The following ATP13A4 variants were observed in gnomAD, a reference collection of about 807,000 sequenced individuals.
ATP13A4 encodes the protein probable cation-transporting ATPase 13A4.
A neutral mutation model predicts 142.5 loss-of-function variants in ATP13A4; 114 were observed. That is an observed-to-expected ratio of 0.80 (90% CI 0.69 to 0.93). ATP13A4 has a LOEUF of 0.93. Ranked by LOEUF, ATP13A4 falls within the 40% of genes least tolerant of loss-of-function variation. The probability of loss-of-function intolerance (pLI) is 0.00; values close to 1 mark genes in which losing one functional copy is unlikely to be tolerated. For missense variants in ATP13A4, 1,392 were observed against 1,454.0 expected, an observed-to-expected ratio of 0.96 and a Z score of 0.69; for synonymous variants, 488 against 514.8, an observed-to-expected ratio of 0.95 and a Z score of 0.70.
chr3:193,488,186 C>T (rs1480298800), intron 7 of ATP13A4, among the ~76,000 whole-genome samples: 1 of 152,134 alleles, frequency 6.6e-6, no homozygotes, highest in Non-Finnish European at 1.5e-5. Flanking sequence ...ATTGCTTGAA[C>T]CTAGGAGGCA....
intron 2 of ATP13A4, among the ~76,000 whole-genome samples, chr3:193,510,270 C>T (rs527482395): frequency 5.3e-5 from 8 of 152,124 alleles, no homozygotes; most frequent in African/African-American, 1.7e-4. Context: ...TTTGAACTAA[C>T]GCTCCTAGCC....
Position 193,514,299 on chromosome 3 carries a change from C to G in ATP13A4, c.234+399G>C, listed in dbSNP as rs138386936. On this transcript the variant is annotated intron_variant, in intron 2 of 29. Coordinates refer to ENST00000342695, the MANE Select transcript of ATP13A4 (RefSeq NM_032279.4). ...TCCCTTCTATGTGTCCATGTGTTAT[C>G]ATTTAGCTCCCACTTATAAGTGACA... 2.0e-3 allele frequency among the ~76,000 whole-genome samples: 306 copies of G among 152,276 alleles called. 2 individuals are homozygous for G. The highest frequency in any genetic ancestry group is 7.7e-3 in the South Asian group (37 of 4,822).
intron 2 of ATP13A4, among the ~76,000 whole-genome samples, chr3:193,507,741 G>A (rs1720934178): frequency 6.6e-6 from 1 of 152,124 alleles, no homozygotes; most frequent in Non-Finnish European, 1.5e-5. Context: ...GAGATATAGT[G>A]TGTAGTAAAA....
chr3:193,487,289 C>A (rs986251111), intron 7 of ATP13A4, among the ~76,000 whole-genome samples: 1 of 152,026 alleles, frequency 6.6e-6, no homozygotes, highest in Non-Finnish European at 1.5e-5. Flanking sequence ...AAGCAAAACA[C>A]CAAGACCTAA....
chr3:193,549,982 G>T (rs569634131), intron 1 of ATP13A4, among the ~76,000 whole-genome samples: 1 of 152,242 alleles, frequency 6.6e-6, no homozygotes, highest in Admixed American at 6.5e-5. Context: ...AACATGTAGC[G>T]GGGAAAAGGG....
intron 13 of ATP13A4, among the ~76,000 whole-genome samples, chr3:193,461,439 A>G (rs1443750770): frequency 6.6e-6 from 1 of 152,208 alleles, no homozygotes; most frequent in Non-Finnish European, 1.5e-5. Context: ...CTAATGAACC[A>G]TGAGACAAAG....
chr3:193,423,501 G>A (rs1245986000), intron 25 of ATP13A4, among the ~76,000 whole-genome samples: 1 of 149,366 alleles, frequency 6.7e-6, no homozygotes, highest in Non-Finnish European at 1.5e-5. Context: ...TGATCAAGTG[G>A]GATTCACCCC....
intron 1 of ATP13A4, among the ~76,000 whole-genome samples, chr3:193,517,982 A>G (rs1577043822): frequency 6.6e-6 from 1 of 152,254 alleles, no homozygotes; most frequent in East Asian, 1.9e-4. Context: ...TAGAAATCTT[A>G]AACTGGAGGC....
intron 1 of ATP13A4, among the ~76,000 whole-genome samples, chr3:193,545,227 GT>G (rs1723154570): frequency 6.6e-6 from 1 of 152,174 alleles, no homozygotes; most frequent in Non-Finnish European, 1.5e-5. Flanking sequence ...AAGTACCAGA[GT>G]TTCAAAATCC....
At position 193,489,332 on chromosome 3, in the gene ATP13A4, A is replaced by G. The variant is rs1484292777; in HGVS notation, c.738+398T>C. On this transcript the variant is annotated intron_variant, in intron 7 of 29. Transcript: ENST00000342695. ...AGGAGTTGGACTGGGGCCTTGACAA[A>G]TGAGTACCAGCCAAACATAAACAGC... 6.4e-4 allele frequency among the ~76,000 whole-genome samples: 97 copies of G among 152,176 alleles called. 1 individual carries two copies. The highest frequency in any genetic ancestry group is 6.3e-3 in the Admixed American group (96 of 15,266).
Position 193,483,986 on chromosome 3 carries a change from T to C in ATP13A4, c.758A>G (p.His253Arg). 6.2e-7 allele frequency: 1 copy of C among 1,609,770 alleles called. No individual in the cohort carries two copies. The highest frequency in any genetic ancestry group is 8.5e-7 in the Non-Finnish European group (1 of 1,176,210). ...DLREQSVKLH[H>R]LVESHNSITV... ...AATGCTATTATGTGACTCGACGAGATGGTGGAGTTTTACAGATTGCTGAAA... is the reference window on the plus strand; with the variant it reads ...AATGCTATTATGTGACTCGACGAGACGGTGGAGTTTTACAGATTGCTGAAA... The change falls in exon 8 of 30, where the codon CAT becomes CGT. Residue 253 changes from histidine (H) to arginine (R), a missense_variant. By Grantham distance (29) the His-to-Arg change is conservative. Coordinates refer to ENST00000342695, the MANE Select transcript of ATP13A4 (RefSeq NM_032279.4).
chr3:193,573,263 A>ATATATATATATATATATATATATATATG (rs1560287198), intron 2 of ATP13A4, among the ~76,000 whole-genome samples: 3 of 105,256 alleles, frequency 2.9e-5, no homozygotes, highest in African/African-American at 9.2e-5. Context: ...CCACAGCCAT[A>ATATATATATATATATATATATATATATG]TATATATATA....
At chr3:193,567,800 T>C (rs1364002636) in intron 2 of ATP13A4, among the ~76,000 whole-genome samples, 1 of 152,098 alleles carries the variant, frequency 6.6e-6, no homozygotes, top group Non-Finnish European at 1.5e-5. Context: ...AGCCCCTGTC[T>C]CTCCCAAATC....
intron 2 of ATP13A4, among the ~76,000 whole-genome samples, chr3:193,561,280 C>A (rs540268940): frequency 6.6e-6 from 1 of 152,204 alleles, no homozygotes. Context: ...CTGGGATGAC[C>A]CAGGAACTGG....
intron 1 of ATP13A4, 79 bp downstream of exon 1, chr3:193,554,661 T>C (rs1446038957): frequency 2.6e-4 from 78 of 300,984 alleles, no homozygotes; most frequent in Middle Eastern, 1.3e-3. Flanking sequence ...TGCGTGTGTG[T>C]GTGTGTGTGT....
chr3:193,572,661 A>G (rs1279129533), intron 2 of ATP13A4, among the ~76,000 whole-genome samples: 3 of 152,118 alleles, frequency 2.0e-5, no homozygotes, highest in Admixed American at 6.6e-5. Flanking sequence ...AAGAGTGGAG[A>G]CATTCTCAGA....
intron 2 of ATP13A4, among the ~76,000 whole-genome samples, chr3:193,506,311 A>G (rs536537669): frequency 6.6e-6 from 1 of 152,294 alleles, no homozygotes; most frequent in South Asian, 2.1e-4. Context: ...TGCCTGGCAA[A>G]TCTGGACTTT....
At chr3:193,550,532 C>T (rs760001655) in intron 1 of ATP13A4, among the ~76,000 whole-genome samples, 1 of 152,102 alleles carries the variant, frequency 6.6e-6, no homozygotes, top group Non-Finnish European at 1.5e-5. Context: ...TCTGGAACTC[C>T]TGGGCTCAAG....
intron 2 of ATP13A4, among the ~76,000 whole-genome samples, chr3:193,567,791 G>T (rs1724166442): frequency 6.6e-6 from 1 of 151,836 alleles, no homozygotes; most frequent in African/African-American, 2.4e-5. Context: ...CTCCCCACCA[G>T]CCCCTGTCTC....
Sources: gnomAD v4.1 joint callset for allele counts (sites outside exome capture counted in the v4.1 genomes callset) on GRCh38, gnomAD v4.1.1 for gene constraint, MANE v1.5 for transcripts, NCBI Gene and HGNC (gene_info 2026-07-23, HGNC 2026-07-21) for gene names.